Variants in PCDHA10 observed in about 807,000 individuals in gnomAD.
PCDHA10 encodes protocadherin alpha-10.
PCDHA10 carries 45 observed loss-of-function variants against 61.2 expected under a neutral mutation model. The observed-to-expected ratio is 0.74, with a 90% confidence interval of 0.58 to 0.94. The LOEUF (loss-of-function observed/expected upper bound fraction) is 0.94, where lower values mean the gene tolerates loss of function less well. Among genes scored for constraint, PCDHA10 ranks in the 40% least tolerant of loss-of-function variants. The probability of loss-of-function intolerance (pLI) is 0.00; values close to 1 mark genes in which losing one functional copy is unlikely to be tolerated. For synonymous variants in PCDHA10, 602 were observed against 548.8 expected (o/e 1.10, Z -1.35); for missense variants, 1,278 against 1,236.2 (o/e 1.03, Z -0.51).
intron 1 of PCDHA10, chr5:140,883,197 TC>T: frequency 6.2e-7 from 1 of 1,613,904 alleles, no homozygotes; most frequent in Admixed American, 1.7e-5. Context: ...AAACTAGATT[TC>T]GAAGAAAAGA....
intron 1 of PCDHA10, chr5:140,928,542 C>A: frequency 6.2e-7 from 1 of 1,614,158 alleles, no homozygotes; most frequent in Non-Finnish European, 8.5e-7. Flanking sequence ...ATAGGAATGA[C>A]AATTATCCGG....
chr5:140,988,332 A>G (rs2097293198), intron 3 of PCDHA10, among the ~76,000 whole-genome samples: 1 of 152,230 alleles, frequency 6.6e-6, no homozygotes, highest in Non-Finnish European at 1.5e-5. Context: ...ACCCGAGGAA[A>G]GTAAGTCCTT....
chr5:140,963,496 A>C (rs1554226617), intron 1 of PCDHA10, among the ~76,000 whole-genome samples: 2 of 152,232 alleles, frequency 1.3e-5, no homozygotes, highest in African/African-American at 2.4e-5. Context: ...TGAGGAAACA[A>C]ATCTCTTGAA....
intron 1 of PCDHA10, among the ~76,000 whole-genome samples, chr5:140,907,844 C>T (rs1402744978): frequency 1.3e-5 from 2 of 152,218 alleles, no homozygotes; most frequent in African/African-American, 4.8e-5. Context: ...TATTAAAATC[C>T]TCCTCTGCTG....
intron 1 of PCDHA10, among the ~76,000 whole-genome samples, chr5:140,955,964 A>G (rs148345661): frequency 5.3e-5 from 8 of 152,256 alleles, no homozygotes; most frequent in African/African-American, 1.7e-4. Flanking sequence ...TTGTTTGTGC[A>G]TAGGAATGCT....
chr5:140,858,515 C>G lies in PCDHA10; in HGVS notation c.2388+79C>G, dbSNP rs1554151726. ...TTACCGCATTTTCTCAAATATGTAT[C>G]AGAATATTTCATTTTTGTCTACATT... On this transcript the variant is annotated intron_variant, in intron 1 of 3. Coordinates refer to ENST00000307360, the MANE Select transcript of PCDHA10 (RefSeq NM_018901.4). 2.8e-6 allele frequency: 4 copies of G among 1,415,980 alleles called. 1 individual carries two copies. The African/African-American group carries it at 5.7e-5, about 20-fold the overall frequency. 87.7% of individuals were successfully genotyped at this position (1,415,980 alleles called of 1,614,324 possible).
chr5:140,914,957 T>C (rs1355119889), intron 1 of PCDHA10, among the ~76,000 whole-genome samples: 1 of 150,770 alleles, frequency 6.6e-6, no homozygotes, highest in Non-Finnish European at 1.5e-5. Flanking sequence ...TTTTTTTTTT[T>C]TTTTTCTGAG....
At chr5:141,006,894 A>G (rs781832084) in intron 3 of PCDHA10, among the ~76,000 whole-genome samples, 6 of 152,212 alleles carry the variant, frequency 3.9e-5, no homozygotes, top group African/African-American at 7.2e-5. Context: ...TTGATTTCAG[A>G]TTTCTTCAGT....
intron 1 of PCDHA10, among the ~76,000 whole-genome samples, chr5:140,892,166 A>G (rs2063413664): frequency 6.6e-6 from 1 of 152,228 alleles, no homozygotes; most frequent in Admixed American, 6.5e-5. Flanking sequence ...TATGTCCAGT[A>G]ACTGGGATCC....
intron 1 of PCDHA10, among the ~76,000 whole-genome samples, chr5:140,947,689 G>A (rs1276078725): frequency 2.0e-5 from 3 of 151,490 alleles, no homozygotes; most frequent in African/African-American, 4.8e-5. Context: ...GTCTCAGCAT[G>A]TTCTGTAGTT....
intron 1 of PCDHA10, chr5:140,863,626 A>G (rs2048099492): frequency 3.1e-6 from 1 of 320,146 alleles, no homozygotes; most frequent in African/African-American, 2.2e-5. Context: ...AGTGACATTG[A>G]TAATGTTCAC....
chr5:140,943,823 G>A (rs1431339857), intron 1 of PCDHA10, among the ~76,000 whole-genome samples: 3 of 152,206 alleles, frequency 2.0e-5, no homozygotes, highest in African/African-American at 7.2e-5. Flanking sequence ...AAGAAAATGA[G>A]TTGATTGAAG....
At chr5:140,978,740 A>G (rs2096821027) in intron 1 of PCDHA10, among the ~76,000 whole-genome samples, 1 of 152,254 alleles carries the variant, frequency 6.6e-6, no homozygotes, top group Non-Finnish European at 1.5e-5. Flanking sequence ...CTTCCAGGGT[A>G]TCTAATCTGT....
chr5:140,985,901 G>A (rs995663051), intron 3 of PCDHA10, among the ~76,000 whole-genome samples: 3 of 151,818 alleles, frequency 2.0e-5, no homozygotes, highest in Non-Finnish European at 2.9e-5. Flanking sequence ...CACCACTCCC[G>A]TCTAATTTTT....
chr5:140,887,074 G>T (rs1554182860), intron 1 of PCDHA10, among the ~76,000 whole-genome samples: 2 of 151,506 alleles, frequency 1.3e-5, no homozygotes, highest in Non-Finnish European at 2.9e-5. Flanking sequence ...AATTCACTCA[G>T]CTTTTGTCTG....
chr5:140,862,497 A>G (rs1337501785), intron 1 of PCDHA10: 1 of 394,588 alleles, frequency 2.5e-6, no homozygotes, highest in Non-Finnish European at 5.1e-6. Flanking sequence ...ATCGCTCGGA[A>G]TGGGGACTCG....
intron 1 of PCDHA10, among the ~76,000 whole-genome samples, chr5:140,965,009 T>C (rs2153742434): frequency 6.6e-6 from 1 of 152,248 alleles, no homozygotes; most frequent in South Asian, 2.1e-4. Context: ...GGTGTCAGGA[T>C]CACAACCTTG....
intron 1 of PCDHA10, chr5:140,866,669 T>C (rs571274167): frequency 6.6e-6 from 1 of 152,260 alleles, no homozygotes; most frequent in South Asian, 2.1e-4. Context: ...CAAGAAATAA[T>C]AGCACTAGGT....
intron 1 of PCDHA10, among the ~76,000 whole-genome samples, chr5:140,906,637 C>A (rs1171706512): frequency 6.6e-6 from 1 of 152,226 alleles, no homozygotes; most frequent in Non-Finnish European, 1.5e-5. Flanking sequence ...AGCACCTCAG[C>A]AGGTAGTGGT....
Sources: allele counts gnomAD v4.1 joint callset (sites outside exome capture counted in the v4.1 genomes callset), GRCh38; gene constraint gnomAD v4.1.1; transcripts MANE v1.5; gene names NCBI Gene and HGNC (gene_info 2026-07-23, HGNC 2026-07-21).